The following ATM variants were observed in gnomAD, a reference collection of about 807,000 sequenced individuals.
ATM encodes the protein ATM serine/threonine kinase.
ATM carries 308 observed loss-of-function variants against 387.0 expected under a neutral mutation model. The observed-to-expected ratio is 0.80, with a 90% CI of 0.73 to 0.87. The LOEUF is 0.87. Ranked by LOEUF, ATM falls within the 40% of genes least tolerant of loss-of-function variation. The probability of loss-of-function intolerance (pLI) is 0.00; values close to 1 mark genes in which losing one functional copy is unlikely to be tolerated. For synonymous variants in ATM, 1,156 were observed against 1,187.3 expected (o/e 0.97, Z 0.54); for missense variants, 3,312 against 3,560.9 (o/e 0.93, Z 1.78).
chr11:108,287,468 G>A, intron 26 of ATM, 132 bp from the exon 27 acceptor site: 1 of 577,070 alleles, frequency 1.7e-6, no homozygotes, highest in Non-Finnish European at 3.0e-6. Flanking sequence ...TGTAAATCTT[G>A]GACTTTGAGT....
chr11:108,357,374 G>A (rs953116980), intron 61 of ATM, among the ~76,000 whole-genome samples: 14 of 152,178 alleles, frequency 9.2e-5, no homozygotes, highest in South Asian at 2.1e-4. Context: ...GGGGAGGGGC[G>A]CCCGCCATTG....
At chr11:108,287,787 C>T in intron 27 of ATM, 72 bp downstream of exon 27, 1 of 1,045,096 alleles carries the variant, frequency 9.6e-7, no homozygotes, top group South Asian at 1.3e-5. Flanking sequence ...TGGTTGACAC[C>T]TTCAATGTCT....
chr11:108,237,187 T>A lies in ATM; in HGVS notation c.496+1353T>A, dbSNP rs117059612. Among the ~76,000 whole-genome samples, 1,474 of 152,318 alleles carry A rather than the reference T, an allele frequency of 9.7e-3. 10 individuals are homozygous for A. The highest frequency in any genetic ancestry group is 0.016 in the Non-Finnish European group (1,060 of 68,016). ...CAGCTAATTTCTTAGGAGTCATTTG[T>A]AGCCTTTACGTTACTCTGAACACAA... On this transcript the variant is annotated intron_variant, in intron 5 of 62. Coordinates refer to ENST00000675843, the MANE Select transcript of ATM (RefSeq NM_000051.4).
At chr11:108,288,000 G>A (rs1020255417) in intron 27 of ATM, among the ~76,000 whole-genome samples, 2 of 151,770 alleles carry the variant, frequency 1.3e-5, no homozygotes, top group Non-Finnish European at 2.9e-5. Context: ...GTTGGCCCTT[G>A]AAATTTTTTT....
rs1555072538 is a variant in ATM at position 108,252,866 on chromosome 11, A to G, written c.1852A>G (p.Lys618Glu). Reference protein sequence around the residue: ...LEKILVSLTMKNCKAAMNFFQ... With the variant: ...LEKILVSLTMENCKAAMNFFQ... ...GAAAATTCTTGTGAGTCTCACTATG[A>G]AAAACTGTAAAGCTGCAATGAATTT... Residue 618 changes from lysine (K) to glutamate (E), a missense_variant, in exon 12 of 63, where the codon AAA (lysine) becomes GAA (glutamate). Around this residue, in one of 4 missense-constraint regions of ATM, gnomAD observed 1,791 missense variants for 1,804.5 expected, o/e 0.99. Coordinates refer to ENST00000675843, the MANE Select transcript of ATM (RefSeq NM_000051.4). The G allele has an allele frequency of 6.2e-7, 1 of 1,613,156 alleles. No individual in the cohort carries two copies. The highest frequency in any genetic ancestry group is 8.5e-7 in the Non-Finnish European group (1 of 1,179,416).
chr11:108,226,208 T>C (rs1027805043), intron 1 of ATM: 2 of 152,132 alleles, frequency 1.3e-5, no homozygotes, highest in South Asian at 2.1e-4. Flanking sequence ...GTAAATTGCA[T>C]GTTGCTGAGG....
At chr11:108,300,372 C>T (rs1479730134) in intron 34 of ATM, among the ~76,000 whole-genome samples, 4 of 152,102 alleles carry the variant, frequency 2.6e-5, no homozygotes, top group Non-Finnish European at 5.9e-5. Context: ...AGAATTGCAC[C>T]ACATATCAAA....
At position 108,354,070 on chromosome 11, in the gene ATM, A is replaced by AACACACACAC. The variant is rs71047689; in HGVS notation, c.8786+217_8786+226dup. 3.3e-3 allele frequency among the ~76,000 whole-genome samples: 376 copies of AACACACACAC among 114,938 alleles called. 4 individuals are homozygous for AACACACACAC. Among genetic ancestry groups the AACACACACAC allele is most frequent in the African/African-American group, 9.6e-3 (326 of 33,840 alleles). The allele number at this position is 114,938 out of a possible 152,430, so 75.4% of individuals were successfully genotyped here. ...GTATCTAAAAAAATACACACACACA[A>AACACACACAC]ACACACACACACACACACACACACA... On this transcript the variant is annotated intron_variant, in intron 60 of 62. Transcript: ENST00000675843.
chr11:108,224,255 A>G lies in ATM; in HGVS notation c.-31+1069A>G, dbSNP rs534058609. On this transcript the variant is annotated intron_variant, in intron 1 of 62. Transcript: ENST00000675843. ...CTGAACCAGGATTTGAACTAATACA[A>G]TCTGACTACAGAGGCCACACTCCTT... is the stretch of plus-strand genomic sequence containing the variant. 9.8e-5 allele frequency: 15 copies of G among 152,352 alleles called. 1 individual carries two copies. The South Asian group carries it at 2.3e-3, about 23-fold the overall frequency. 9.4% of individuals were successfully genotyped at this position (152,352 alleles called of 1,614,324 possible). A position where few individuals can be genotyped will look rare whatever the true frequency, so the allele number is the denominator to read the frequency against.
chr11:108,357,356 C>T (rs1443652836), intron 61 of ATM, among the ~76,000 whole-genome samples: 2 of 152,106 alleles, frequency 1.3e-5, no homozygotes, highest in Non-Finnish European at 2.9e-5. Context: ...AAGGTGGCAG[C>T]GAGGCTGGGG....
intron 61 of ATM, among the ~76,000 whole-genome samples, chr11:108,359,329 T>A (rs1300009088): frequency 1.3e-5 from 2 of 151,868 alleles, no homozygotes; most frequent in Non-Finnish European, 2.9e-5. Flanking sequence ...AGACTTAGAA[T>A]CCCACACATT....
At chr11:108,343,521 G>T in intron 57 of ATM, 150 bp downstream of exon 57, 1 of 923,896 alleles carries the variant, frequency 1.1e-6, no homozygotes, top group Non-Finnish European at 1.6e-6. Flanking sequence ...TCATCAGAAT[G>T]AAAGTGTGTG....
intron 59 of ATM, among the ~76,000 whole-genome samples, chr11:108,350,941 ATG>A (rs2089129547): frequency 6.6e-6 from 1 of 152,224 alleles, no homozygotes; most frequent in Admixed American, 6.5e-5. Context: ...TCCAACACAA[ATG>A]CATACATATG....
At position 108,353,211 on chromosome 11, in the gene ATM, C is replaced by T. The variant is rs187605537; in HGVS notation, c.8672-555C>T. Among the ~76,000 whole-genome samples, 326 of 152,016 alleles carry T rather than the reference C, an allele frequency of 2.1e-3. 2 individuals are homozygous for T. Among genetic ancestry groups the T allele is most frequent in the Non-Finnish European group, 2.7e-3 (181 of 67,970 alleles). On this transcript the variant is annotated intron_variant, in intron 59 of 62. Transcript: ENST00000675843. Reference sequence around the variant, plus strand: ...TCGCCCAGGCTGGAGTGCAATGGCACGATCTCAGCTCCATGTATCCTTCAC... The same window carrying T: ...TCGCCCAGGCTGGAGTGCAATGGCATGATCTCAGCTCCATGTATCCTTCAC...
At chr11:108,324,735 T>C (rs2085483789) in intron 45 of ATM, among the ~76,000 whole-genome samples, 1 of 152,228 alleles carries the variant, frequency 6.6e-6, no homozygotes, top group South Asian at 2.1e-4. Context: ...TATTTCATAG[T>C]TCAGTTATTT....
chr11:108,363,698 G>A (rs1341114027), intron 61 of ATM, among the ~76,000 whole-genome samples: 2 of 152,192 alleles, frequency 1.3e-5, no homozygotes, highest in South Asian at 2.1e-4. Flanking sequence ...AGCTTAATCA[G>A]TCTGTATTCC....
At chr11:108,350,275 CAAG>C (rs1359411997) in intron 59 of ATM, among the ~76,000 whole-genome samples, 1 of 152,058 alleles carries the variant, frequency 6.6e-6, no homozygotes, top group Non-Finnish European at 1.5e-5. Flanking sequence ...GACAAGGGGA[CAAG>C]GAGATTTGAA....
intron 39 of ATM, 90 bp downstream of exon 39, chr11:108,310,405 T>A: frequency 4.1e-6 from 5 of 1,218,392 alleles, no homozygotes; most frequent in Non-Finnish European, 5.8e-6. Context: ...TGCCTCCTGT[T>A]CCCCATTTAA....
chr11:108,269,464 G>GT (rs1442323303), intron 18 of ATM, among the ~76,000 whole-genome samples: 1 of 152,080 alleles, frequency 6.6e-6, no homozygotes, highest in African/African-American at 2.4e-5. Flanking sequence ...ACATCACACA[G>GT]TTTATCTTTT....
Sources: gnomAD v4.1 joint callset for allele counts (sites outside exome capture counted in the v4.1 genomes callset) on GRCh38, gnomAD v4.1.1 for gene constraint, gnomAD v4.1.1 regional missense constraint, MANE v1.5 for transcripts, NCBI Gene and HGNC (gene_info 2026-07-23, HGNC 2026-07-21) for gene names.